Variants in CDH26 observed in about 807,000 individuals in gnomAD.
CDH26 encodes cadherin-like protein 26.
A neutral mutation model predicts 90.3 loss-of-function variants in CDH26; 83 were observed. The ratio of observed to expected loss-of-function variants is 0.92; its 90% CI spans 0.77 to 1.10. CDH26 has a LOEUF of 1.10. Among genes scored for constraint, CDH26 ranks in the 50% least tolerant of loss-of-function variants. The pLI, the probability that CDH26 is intolerant of heterozygous loss-of-function variation, is 0.00. For missense variants in CDH26, 1,013 were observed against 1,037.6 expected (o/e 0.98, Z 0.33); for synonymous variants, 397 against 396.3 (o/e 1.00, Z -0.02).
intron 13 of CDH26, 67 bp downstream of exon 13, chr20:59,996,828 AT>A (rs369540629): frequency 1.9e-4 from 306 of 1,585,700 alleles, no homozygotes; most frequent in Admixed American, 3.1e-4. Flanking sequence ...TATAGCATGT[AT>A]TTTTCCCCCC....
chr20:59,983,205 T>G, intron 5 of CDH26, 135 bp downstream of exon 5: 1 of 1,069,804 alleles, frequency 9.3e-7, no homozygotes, highest in South Asian at 1.8e-5. Flanking sequence ...ATCGCAGGCC[T>G]TGGATCTGAG....
At chr20:60,027,196 G>A (rs1261182940) in intron 7 of CDH26, among the ~76,000 whole-genome samples, 1 of 152,116 alleles carries the variant, frequency 6.6e-6, no homozygotes, top group African/African-American at 2.4e-5. Flanking sequence ...TCAGCCAGTA[G>A]GGGCCTCAAG....
rs2062034940 is a variant in CDH26, at chr20:60,030,888, A to G, written c.948-343A>G. The stretch of plus-strand genomic sequence containing the variant: ...TTTGTGCTTGATTCAAGTTTTTGGA[A>G]ACCAGCCCGGAGTGAAAACATTTCC... On this transcript the variant is annotated intron_variant, in intron 7 of 8. Transcript: ENST00000370991. This position sits in a 1 kb window ranked among gnomAD's most constrained non-coding sequence, Gnocchi z 4.0. 6.6e-6 allele frequency among the ~76,000 whole-genome samples: 1 copy of G among 152,216 alleles called. No individual in the cohort carries two copies. The highest frequency in any genetic ancestry group is 2.1e-4 in the South Asian group (1 of 4,830).
intron 4 of CDH26, 81 bp from the exon 5 acceptor site, chr20:59,982,842 A>C: frequency 2.0e-6 from 3 of 1,501,792 alleles, no homozygotes; most frequent in Non-Finnish European, 2.7e-6. Flanking sequence ...GACGTAACAC[A>C]TAATTAGGAT....
chr20:59,998,400 T>C (rs972958337), intron 13 of CDH26, among the ~76,000 whole-genome samples: 4 of 152,108 alleles, frequency 2.6e-5, no homozygotes, highest in African/African-American at 9.7e-5. Flanking sequence ...GATTGTCTCT[T>C]GGAAAAGAGG....
At position 60,030,311 on chromosome 20, in the gene CDH26, A is replaced by G. The variant is rs1467442223; in HGVS notation, c.948-920A>G. ...CTCCAGAGCCTCAGCATTCCAGGAC[A>G]TCAGGGTGATTTGAAGTCAATCACA... On this transcript the variant is annotated intron_variant, in intron 7 of 8. Transcript: ENST00000370991. The surrounding 1 kb of genome is among the most constrained non-coding windows in gnomAD (Gnocchi z 4.0). Among the ~76,000 whole-genome samples, 6 of 152,204 alleles carry G rather than the reference A, an allele frequency of 3.9e-5. No individual in the cohort carries two copies. The highest frequency in any genetic ancestry group is 5.9e-5 in the Non-Finnish European group (4 of 68,038).
At chr20:59,970,499 T>TTA (rs1555894630) in intron 3 of CDH26, among the ~76,000 whole-genome samples, 16 of 151,632 alleles carry the variant, frequency 1.1e-4, no homozygotes, top group African/African-American at 2.9e-4. Context: ...TTTTTTTTTT[T>TTA]AAATATTATT....
At chr20:60,006,145 G>A (rs2061746724) in intron 16 of CDH26, among the ~76,000 whole-genome samples, 1 of 152,234 alleles carries the variant, frequency 6.6e-6, no homozygotes, top group Admixed American at 6.5e-5. Context: ...GGCCCCAGGT[G>A]CTTTGCTTGC....
At chr20:59,990,036 G>C (rs1320666364) in intron 9 of CDH26, among the ~76,000 whole-genome samples, 1 of 152,082 alleles carries the variant, frequency 6.6e-6, no homozygotes, top group African/African-American at 2.4e-5. Flanking sequence ...CCCTTCTCCA[G>C]CTCCTGGCCT....
chr20:60,018,222 T>C (rs1313074441), downstream of CDH26, among the ~76,000 whole-genome samples: 1 of 152,112 alleles, frequency 6.6e-6, no homozygotes, highest in Non-Finnish European at 1.5e-5. Context: ...CAACTATTAT[T>C]GTATTGGGGC....
At chr20:60,033,396 C>T in intron 8 of CDH26, 1 of 1,244,662 alleles carries the variant, frequency 8.0e-7, no homozygotes, top group Non-Finnish European at 1.0e-6. Flanking sequence ...GTGGCAAATA[C>T]TTATCAAATG....
chr20:60,033,106 G>C (rs2062055845), intron 8 of CDH26, among the ~76,000 whole-genome samples: 1 of 152,198 alleles, frequency 6.6e-6, no homozygotes, highest in Non-Finnish European at 1.5e-5. Context: ...GCTTTGGTTT[G>C]GGAGGAAGCC....
chr20:60,006,379 C>T (rs937155926), intron 16 of CDH26, among the ~76,000 whole-genome samples: 22 of 152,078 alleles, frequency 1.4e-4, no homozygotes, highest in South Asian at 4.2e-4. Flanking sequence ...CCAAAATGAG[C>T]GAGGAGGGGC....
intron 11 of CDH26, 86 bp from the exon 12 acceptor site, chr20:59,995,747 C>A: frequency 8.0e-7 from 1 of 1,246,926 alleles, no homozygotes; most frequent in Non-Finnish European, 1.2e-6. Flanking sequence ...CAGAGCTTGG[C>A]CCGTGCAGGG....
At position 59,971,967 on chromosome 20, in the gene CDH26, CAAT is replaced by C. The variant is rs774241229; in HGVS notation, c.242_244del (p.Asn81del). 53 of 1,611,422 alleles carry C rather than the reference CAAT, an allele frequency of 3.3e-5. No homozygotes were observed. The highest frequency in any genetic ancestry group is 1.1e-5 in the South Asian group (1 of 90,788). On this transcript the variant is annotated inframe_deletion, in exon 4 of 18. Coordinates refer to ENST00000348616, the MANE Select transcript of CDH26 (RefSeq NM_177980.4). ...TCCATTTTTCCTCCTTCCAGCTGTTCAATAATATGTCTTATAACATGTCACTAA... is the reference window on the plus strand; with the variant it reads ...TCCATTTTTCCTCCTTCCAGCTGTTCAATATGTCTTATAACATGTCACTAA...
chr20:59,960,354 G>A (rs1411577888), intron 1 of CDH26, among the ~76,000 whole-genome samples: 1 of 151,994 alleles, frequency 6.6e-6, no homozygotes, highest in Non-Finnish European at 1.5e-5. Flanking sequence ...CCTTGGTACT[G>A]CGAAAGTTGT....
At chr20:59,991,615 A>G (rs2061528604) in intron 9 of CDH26, among the ~76,000 whole-genome samples, 1 of 152,242 alleles carries the variant, frequency 6.6e-6, no homozygotes, top group South Asian at 2.1e-4. Flanking sequence ...CCCACGCAAC[A>G]TGAGAGAGGG....
chr20:59,996,856 A>G, intron 13 of CDH26, 95 bp downstream of exon 13: 1 of 1,499,828 alleles, frequency 6.7e-7, no homozygotes, highest in Non-Finnish European at 9.1e-7. Context: ...CCACCTCTTA[A>G]TTCTTCACTC....
Position 59,999,672 on chromosome 20 carries a change from C to T in CDH26, c.2097+9C>T. 1 of 1,613,446 alleles carries T rather than the reference C, an allele frequency of 6.2e-7. No homozygotes were observed. The highest frequency in any genetic ancestry group is 8.5e-7 in the Non-Finnish European group (1 of 1,179,474). On this transcript the variant is annotated intron_variant, in intron 14 of 17. Transcript: ENST00000348616. ...CCACGCAGGGAGTTAAGGTAACATG[C>T]CCCTTACTTGCTTCTGGATTTCAGA...
Sources: allele counts gnomAD v4.1 joint callset (sites outside exome capture counted in the v4.1 genomes callset), GRCh38; gene constraint gnomAD v4.1.1; non-coding constraint Gnocchi (gnomAD v3.1); transcripts MANE v1.5; gene names NCBI Gene and HGNC (gene_info 2026-07-23, HGNC 2026-07-21).